The following PCP4L1 variants were observed in gnomAD, a reference collection of about 807,000 sequenced individuals.
PCP4L1 encodes the protein Purkinje cell protein 4 like 1.
A neutral mutation model predicts 9.6 loss-of-function variants in PCP4L1; 9 were observed. The ratio of observed to expected loss-of-function variants is 0.94; its 90% CI spans 0.57 to 1.64. The LOEUF (loss-of-function observed/expected upper bound fraction) is 1.64, where lower values mean the gene tolerates loss of function less well. PCP4L1 is among the 40% of genes most tolerant of loss of function. PCP4L1 has a pLI of 0.00. For missense variants in PCP4L1, 81 were observed against 80.8 expected, an observed-to-expected ratio of 1.00 and a Z score of -0.01; for synonymous variants, 31 against 28.2, an observed-to-expected ratio of 1.10 and a Z score of -0.31.
At chr1:161,259,112 C>T (rs1299046511) in intron 1 of PCP4L1, 129 bp downstream of exon 1, 1 of 1,323,410 alleles carries the variant, frequency 7.6e-7, no homozygotes, top group Non-Finnish European at 1.0e-6. Context: ...GGGCGCCCCA[C>T]TGCCCTCCTA....
intron 1 of PCP4L1, among the ~76,000 whole-genome samples, chr1:161,269,312 C>A (rs1669584808): frequency 6.6e-6 from 1 of 152,116 alleles, no homozygotes; most frequent in African/African-American, 2.4e-5. Flanking sequence ...AAATATACTT[C>A]ATGAGAAGGT....
intron 1 of PCP4L1, among the ~76,000 whole-genome samples, chr1:161,277,338 AGCCTGTTGG>A (rs565089323): frequency 2.5e-4 from 38 of 152,358 alleles, no homozygotes; most frequent in African/African-American, 8.7e-4. Context: ...GAGACAGTAC[AGCCTGTTGG>A]CTAGGAGTAT....
At chr1:161,259,086 G>A in intron 1 of PCP4L1, 103 bp downstream of exon 1, 2 of 1,458,424 alleles carry the variant, frequency 1.4e-6, no homozygotes, top group South Asian at 2.6e-5. Context: ...GACCGGAGCC[G>A]CGAAGAACCC....
intron 1 of PCP4L1, among the ~76,000 whole-genome samples, chr1:161,264,346 G>A (rs1045571867): frequency 1.8e-4 from 28 of 151,898 alleles, no homozygotes; most frequent in African/African-American, 4.8e-4. Flanking sequence ...GTGAAACCCC[G>A]TCTCTATTAA....
intron 1 of PCP4L1, among the ~76,000 whole-genome samples, chr1:161,272,194 T>C (rs1558144044): frequency 6.6e-6 from 1 of 151,918 alleles, no homozygotes; most frequent in Non-Finnish European, 1.5e-5. Context: ...CCCTTTTTTT[T>C]TTTTTAAGCA....
At chr1:161,259,056 A>G in intron 1 of PCP4L1, 73 bp downstream of exon 1, 1 of 1,511,036 alleles carries the variant, frequency 6.6e-7, no homozygotes, top group South Asian at 1.2e-5. Context: ...GATCCCAGGG[A>G]GGCGAGGGAG....
intron 1 of PCP4L1, among the ~76,000 whole-genome samples, chr1:161,259,633 G>A (rs1317801551): frequency 6.6e-6 from 1 of 152,320 alleles, no homozygotes; most frequent in South Asian, 2.1e-4. Context: ...GCCAGACCCA[G>A]GCCATTAACT....
intron 2 of PCP4L1, 76 bp downstream of exon 2, chr1:161,283,798 A>G (rs1181854535): frequency 2.6e-5 from 37 of 1,431,258 alleles, no homozygotes; most frequent in Non-Finnish European, 3.1e-5. Flanking sequence ...TGAGTCTGGA[A>G]TTTCCTAAAG....
chr1:161,266,247 A>C (rs1489506108), intron 1 of PCP4L1, among the ~76,000 whole-genome samples: 2 of 152,100 alleles, frequency 1.3e-5, no homozygotes, highest in African/African-American at 4.8e-5. Flanking sequence ...CTCCCACACA[A>C]AGCCCTCCAG....
chr1:161,278,527 C>T (rs1413524444), intron 1 of PCP4L1, among the ~76,000 whole-genome samples: 1 of 151,992 alleles, frequency 6.6e-6, no homozygotes, highest in African/African-American at 2.4e-5. Context: ...TGTCAGCCTC[C>T]CAAAGTGCTG....
chr1:161,281,672 G>T (rs1214115997), intron 1 of PCP4L1, among the ~76,000 whole-genome samples: 1 of 151,874 alleles, frequency 6.6e-6, no homozygotes, highest in East Asian at 1.9e-4. Context: ...TTCCCAGACG[G>T]GGTGGCTGCC....
chr1:161,265,830 C>T (rs772891019), intron 1 of PCP4L1, among the ~76,000 whole-genome samples: 18 of 148,524 alleles, frequency 1.2e-4, no homozygotes, highest in East Asian at 2.0e-4. Context: ...CCTCACCTCC[C>T]GGGTTCAAGC....
At position 161,259,125 on chromosome 1, in the gene PCP4L1, A is replaced by G; in HGVS notation, c.9+142A>G. On this transcript the variant is annotated intron_variant, in intron 1 of 2. Transcript: ENST00000504449. ...AGGGGCGCCCCACTGCCCTCCTAGGAAAGCTCCCACCTCGGGGCGCTGGGA... is the reference window on the plus strand; with the variant it reads ...AGGGGCGCCCCACTGCCCTCCTAGGGAAGCTCCCACCTCGGGGCGCTGGGA... 3 of 1,251,830 alleles carry G rather than the reference A, an allele frequency of 2.4e-6. No individual in the cohort carries two copies. In the South Asian group the frequency reaches 4.8e-5, roughly 20 times the overall value. The allele number at this position is 1,251,830 out of a possible 1,614,324, so 77.5% of individuals were successfully genotyped here.
intron 1 of PCP4L1, among the ~76,000 whole-genome samples, chr1:161,282,252 C>T (rs557937572): frequency 9.2e-5 from 14 of 152,060 alleles, no homozygotes; most frequent in African/African-American, 2.2e-4. Flanking sequence ...TCAGGCGTGG[C>T]GGCGCGCGCC....
intron 1 of PCP4L1, among the ~76,000 whole-genome samples, chr1:161,268,680 G>A (rs1029026756): frequency 1.3e-5 from 2 of 150,522 alleles, no homozygotes; most frequent in South Asian, 4.2e-4. Context: ...CTCCCAGATA[G>A]CTGGGATTAC....
intron 1 of PCP4L1, among the ~76,000 whole-genome samples, chr1:161,282,384 AGGGAGAGGGAGACCGTG>A (rs1414535485): frequency 3.2e-5 from 3 of 95,072 alleles, no homozygotes; most frequent in South Asian, 8.5e-4. Flanking sequence ...GTGGAAAGAG[AGGGAGAGGGAGACCGTG>A]GGGAGAGGGA....
At chr1:161,261,678 C>T (rs557899360) in intron 1 of PCP4L1, among the ~76,000 whole-genome samples, 43 of 152,180 alleles carry the variant, frequency 2.8e-4, no homozygotes, top group Non-Finnish European at 4.6e-4. Flanking sequence ...TTCTCATCTG[C>T]GAGAAGCCTA....
intron 1 of PCP4L1, among the ~76,000 whole-genome samples, chr1:161,262,798 CAG>C (rs1326018190): frequency 2.6e-5 from 4 of 152,260 alleles, no homozygotes; most frequent in African/African-American, 9.6e-5. Context: ...GAGTTGCAGG[CAG>C]AGAGGATGAA....
intron 1 of PCP4L1, among the ~76,000 whole-genome samples, chr1:161,282,975 C>G (rs1427808542): frequency 6.6e-6 from 1 of 152,172 alleles, no homozygotes. Flanking sequence ...CTTTCTCTTT[C>G]CCTTTTATGC....
Sources: gnomAD v4.1 joint callset for allele counts (sites outside exome capture counted in the v4.1 genomes callset) on GRCh38, gnomAD v4.1.1 for gene constraint, MANE v1.5 for transcripts, NCBI Gene and HGNC (gene_info 2026-07-23, HGNC 2026-07-21) for gene names.